The following RNF150 variants were observed in gnomAD, a reference collection of about 807,000 sequenced individuals.
RNF150 encodes the protein ring finger protein 150.
Under a neutral mutation model 39.3 loss-of-function variants are expected in RNF150, and 24 were observed. The observed-to-expected ratio is 0.61, with a 90% CI of 0.44 to 0.86. RNF150 has a LOEUF of 0.86. Among genes scored for constraint, RNF150 ranks in the 40% least tolerant of loss-of-function variants. The pLI, the probability that RNF150 is intolerant of heterozygous loss-of-function variation, is 0.00. For synonymous variants in RNF150, 255 were observed against 227.3 expected, an observed-to-expected ratio of 1.12 and a Z score of -1.10; for missense variants, 502 against 587.8, an observed-to-expected ratio of 0.85 and a Z score of 1.51.
At chr4:141,039,619 C>G (rs1736281793) in intron 1 of RNF150, among the ~76,000 whole-genome samples, 1 of 152,082 alleles carries the variant, frequency 6.6e-6, no homozygotes, top group Non-Finnish European at 1.5e-5. Context: ...CTAACTGAGA[C>G]AGGCAGGGTG....
intron 6 of RNF150, among the ~76,000 whole-genome samples, chr4:140,871,639 C>G (rs1033509623): frequency 6.6e-6 from 1 of 150,876 alleles, no homozygotes; most frequent in Non-Finnish European, 1.5e-5. Context: ...ATGGGTCCAG[C>G]CAAAAAAAAA....
At chr4:140,890,710 G>T (rs568327970) in intron 6 of RNF150, among the ~76,000 whole-genome samples, 1 of 152,144 alleles carries the variant, frequency 6.6e-6, no homozygotes, top group Non-Finnish European at 1.5e-5. Flanking sequence ...CCAGACTCCC[G>T]AACTGTGAGA....
At chr4:141,129,835 G>A (rs1207510567) in intron 1 of RNF150, among the ~76,000 whole-genome samples, 1 of 152,152 alleles carries the variant, frequency 6.6e-6, no homozygotes, top group Non-Finnish European at 1.5e-5. Context: ...ATACACAAAT[G>A]CATAGATGTT....
intron 1 of RNF150, among the ~76,000 whole-genome samples, chr4:141,094,840 A>G (rs2111018328): frequency 6.6e-6 from 1 of 152,400 alleles, no homozygotes; most frequent in Middle Eastern, 3.4e-3. Flanking sequence ...CATATGTGAC[A>G]GTCCAGATAA....
At chr4:141,138,441 A>T (rs568587033), upstream of RNF150, among the ~76,000 whole-genome samples, 34 of 152,326 alleles carry the variant, frequency 2.2e-4, no homozygotes, top group African/African-American at 8.2e-4. Flanking sequence ...TATATTCCAC[A>T]TAACTGCAAA....
At chr4:141,171,990 C>T (rs983456706) in intron 1 of RNF150, among the ~76,000 whole-genome samples, 1 of 152,012 alleles carries the variant, frequency 6.6e-6, no homozygotes, top group Non-Finnish European at 1.5e-5. Flanking sequence ...TTTATAATAC[C>T]GCATATCATA....
chr4:141,090,303 C>T (rs1040613621), intron 1 of RNF150, among the ~76,000 whole-genome samples: 2 of 152,094 alleles, frequency 1.3e-5, no homozygotes, highest in Admixed American at 1.3e-4. Flanking sequence ...GTCAGTATTA[C>T]TTGGATTTTC....
intron 1 of RNF150, among the ~76,000 whole-genome samples, chr4:141,051,562 A>G (rs1736777920): frequency 6.6e-6 from 1 of 152,186 alleles, no homozygotes; most frequent in African/African-American, 2.4e-5. Flanking sequence ...AAGTTCCACA[A>G]GTCTCTAGGG....
At chr4:141,085,285 G>T (rs1424458531) in intron 1 of RNF150, among the ~76,000 whole-genome samples, 2 of 152,162 alleles carry the variant, frequency 1.3e-5, no homozygotes, top group Non-Finnish European at 2.9e-5. Flanking sequence ...TGGCCCCGAT[G>T]ATCAATTAAC....
intron 6 of RNF150, among the ~76,000 whole-genome samples, chr4:140,877,974 A>G (rs1729222201): frequency 6.6e-6 from 1 of 152,168 alleles, no homozygotes; most frequent in South Asian, 2.1e-4. Flanking sequence ...GGCTTAGTGT[A>G]TGAAGGATGT....
At chr4:140,924,220 C>G (rs1432662149) in intron 5 of RNF150, among the ~76,000 whole-genome samples, 2 of 152,180 alleles carry the variant, frequency 1.3e-5, no homozygotes. Context: ...TGTTAGGCAT[C>G]AAACCATGGC....
Position 141,079,136 on chromosome 4 carries a change from G to GA in RNF150, c.484+53188dup, listed in dbSNP as rs1322933022. ...ATGAAGAGATATGCCCAATTCACTG[G>GA]AAAAAAGTGATAAGGAGTATTTAGC... On this transcript the variant is annotated intron_variant, in intron 1 of 6. Coordinates refer to ENST00000515673, the MANE Select transcript of RNF150 (RefSeq NM_020724.2). Among the ~76,000 whole-genome samples the GA allele has an allele frequency of 3.9e-5, 6 of 151,916 alleles. No individual in the cohort carries two copies. The East Asian group carries it at 1.2e-3, about 29-fold the overall frequency.
chr4:140,914,383 T>C (rs1043647429), intron 5 of RNF150, among the ~76,000 whole-genome samples: 1 of 152,158 alleles, frequency 6.6e-6, no homozygotes, highest in Non-Finnish European at 1.5e-5. Context: ...AATCATAAAG[T>C]TTAAAACAAG....
chr4:141,181,895 G>A (rs1471511242), intron 1 of RNF150, among the ~76,000 whole-genome samples: 7 of 152,094 alleles, frequency 4.6e-5, no homozygotes, highest in Non-Finnish European at 1.0e-4. Flanking sequence ...GGAAGTGGGG[G>A]GAATGTGAAT....
intron 1 of RNF150, among the ~76,000 whole-genome samples, chr4:141,156,051 G>A (rs1233364858): frequency 1.4e-5 from 2 of 144,912 alleles, no homozygotes; most frequent in Admixed American, 1.4e-4. Flanking sequence ...GGAAGGAGGA[G>A]GAAAAAGGAG....
At chr4:141,061,286 A>G (rs1320124560) in intron 1 of RNF150, among the ~76,000 whole-genome samples, 1 of 152,116 alleles carries the variant, frequency 6.6e-6, no homozygotes, top group Non-Finnish European at 1.5e-5. Context: ...TTATGACTGC[A>G]TGGAGGCTTC....
intron 1 of RNF150, among the ~76,000 whole-genome samples, chr4:141,040,634 G>A (rs548896528): frequency 1.2e-4 from 18 of 152,066 alleles, no homozygotes; most frequent in Admixed American, 5.9e-4. Context: ...TACTAGAACA[G>A]GCATAAACTG....
chr4:140,913,294 G>A (rs1730689619), intron 5 of RNF150, among the ~76,000 whole-genome samples: 1 of 152,014 alleles, frequency 6.6e-6, no homozygotes, highest in South Asian at 2.1e-4. Context: ...AAAACCATGG[G>A]TATGTTTCTC....
At chr4:140,903,674 T>G (rs1730272066) in intron 6 of RNF150, among the ~76,000 whole-genome samples, 1 of 152,178 alleles carries the variant, frequency 6.6e-6, no homozygotes, top group African/African-American at 2.4e-5. Context: ...GATATCATTG[T>G]GAAGAATTAA....
Sources: allele counts gnomAD v4.1 joint callset (sites outside exome capture counted in the v4.1 genomes callset), GRCh38; gene constraint gnomAD v4.1.1; transcripts MANE v1.5; gene names NCBI Gene and HGNC (gene_info 2026-07-23, HGNC 2026-07-21).